CDH12: variants seen among roughly 807,000 people sequenced by gnomAD.
CDH12 encodes the protein cadherin 12.
CDH12 carries 41 observed loss-of-function variants against 74.1 expected under a neutral mutation model. The ratio of observed to expected loss-of-function variants is 0.55; its 90% CI spans 0.43 to 0.72. The LOEUF is 0.72. Ranked by LOEUF, CDH12 falls within the 30% of genes least tolerant of loss-of-function variation. The pLI is 0.00. For missense variants in CDH12, 945 were observed against 977.2 expected (o/e 0.97, Z 0.44); for synonymous variants, 399 against 355.0 (o/e 1.12, Z -1.39).
At chr5:21,769,493 C>A (rs755212855) in intron 11 of CDH12, among the ~76,000 whole-genome samples, 9 of 151,878 alleles carry the variant, frequency 5.9e-5, no homozygotes, top group Non-Finnish European at 1.3e-4. Flanking sequence ...TATTAATTAC[C>A]CTTCTATACT....
intron 3 of CDH12, among the ~76,000 whole-genome samples, chr5:22,352,785 T>C (rs1434793497): frequency 6.6e-6 from 1 of 152,162 alleles, no homozygotes; most frequent in Non-Finnish European, 1.5e-5. Flanking sequence ...ATGGACATTA[T>C]ACTGGAACTG....
At chr5:22,336,767 C>T (rs1739602356) in intron 3 of CDH12, among the ~76,000 whole-genome samples, 1 of 152,224 alleles carries the variant, frequency 6.6e-6, no homozygotes, top group Non-Finnish European at 1.5e-5. Context: ...TGAAGAACCT[C>T]TGCTAGGGCA....
At chr5:22,040,207 T>A (rs1249338341) in intron 5 of CDH12, among the ~76,000 whole-genome samples, 4 of 150,684 alleles carry the variant, frequency 2.7e-5, no homozygotes, top group African/African-American at 4.9e-5. Context: ...GCAGAACAGG[T>A]CAAGCAGAAG....
chr5:22,580,590 T>C (rs1740038859), intron 1 of CDH12: 2 of 474,894 alleles, frequency 4.2e-6, no homozygotes, highest in Admixed American at 4.4e-5. Flanking sequence ...CATAAACTTT[T>C]GGATTTTTTT....
chr5:22,849,545 G>A (rs371301600), intron 1 of CDH12, among the ~76,000 whole-genome samples: 202 of 152,224 alleles, frequency 1.3e-3, no homozygotes, highest in African/African-American at 4.7e-3. Flanking sequence ...TTGGAACCAA[G>A]CATGCATCAT....
intron 1 of CDH12, among the ~76,000 whole-genome samples, chr5:22,814,158 T>A (rs1749279841): frequency 6.6e-6 from 1 of 152,186 alleles, no homozygotes; most frequent in Non-Finnish European, 1.5e-5. Context: ...AGACATTTTC[T>A]TGTCTTACAT....
intron 1 of CDH12, among the ~76,000 whole-genome samples, chr5:22,763,211 AT>A (rs1366477883): frequency 4.0e-5 from 6 of 151,882 alleles, no homozygotes; most frequent in Non-Finnish European, 7.4e-5. Context: ...ACATCTCTAG[AT>A]TTTACCTTTC....
intron 6 of CDH12, among the ~76,000 whole-genome samples, chr5:21,855,250 G>A (rs958096951): frequency 6.6e-6 from 1 of 151,706 alleles, no homozygotes; most frequent in Non-Finnish European, 1.5e-5. Context: ...CTAGCATCAG[G>A]AAGTCTTTAA....
At chr5:22,270,857 G>C (rs1432803796) in intron 3 of CDH12, among the ~76,000 whole-genome samples, 1 of 151,788 alleles carries the variant, frequency 6.6e-6, no homozygotes, top group Non-Finnish European at 1.5e-5. Context: ...TGTGTATTTA[G>C]TACAGATAGG....
intron 5 of CDH12, among the ~76,000 whole-genome samples, chr5:22,034,487 A>G (rs908361043): frequency 3.9e-5 from 6 of 152,194 alleles, no homozygotes; most frequent in African/African-American, 1.4e-4. Context: ...AAAATACCAT[A>G]CTAGGAACTG....
intron 1 of CDH12, among the ~76,000 whole-genome samples, chr5:22,522,291 T>C (rs183183863): frequency 1.2e-4 from 18 of 152,302 alleles, no homozygotes; most frequent in Admixed American, 3.3e-4. Context: ...CATGAACATA[T>C]AAACTGACCA....
At chr5:22,829,071 A>G (rs1009633200) in intron 1 of CDH12, among the ~76,000 whole-genome samples, 1 of 152,178 alleles carries the variant, frequency 6.6e-6, no homozygotes, top group Non-Finnish European at 1.5e-5. Flanking sequence ...AATAAACTGA[A>G]GGAAGTTTGG....
At chr5:22,281,907 G>T (rs71417646) in intron 3 of CDH12, among the ~76,000 whole-genome samples, 1 of 152,018 alleles carries the variant, frequency 6.6e-6, no homozygotes, top group African/African-American at 2.4e-5. Context: ...AAACGAGCCC[G>T]CATAGCAAAG....
At chr5:22,425,992 C>A (rs759033279) in intron 2 of CDH12, among the ~76,000 whole-genome samples, 1 of 151,780 alleles carries the variant, frequency 6.6e-6, no homozygotes, top group Non-Finnish European at 1.5e-5. Context: ...ATCGAGACCA[C>A]CCTGGCCAAC....
At chr5:22,015,782 T>G (rs1737566203) in intron 5 of CDH12, among the ~76,000 whole-genome samples, 1 of 152,212 alleles carries the variant, frequency 6.6e-6, no homozygotes, top group Non-Finnish European at 1.5e-5. Flanking sequence ...CTGAAACAAA[T>G]AATCAGTATA....
At chr5:22,556,759 T>TA (rs1311120183) in intron 1 of CDH12, among the ~76,000 whole-genome samples, 2 of 152,114 alleles carry the variant, frequency 1.3e-5, no homozygotes, top group African/African-American at 2.4e-5. Flanking sequence ...TACATTTTCT[T>TA]AGAGTATTTA....
chr5:21,755,487 A>C (rs1364184465), intron 14 of CDH12, 104 bp downstream of exon 14: 1 of 1,000,032 alleles, frequency 1.0e-6, no homozygotes, highest in Non-Finnish European at 1.5e-6. Context: ...AATGAATAAA[A>C]ACTTGTTTAC....
intron 4 of CDH12, among the ~76,000 whole-genome samples, chr5:22,200,751 T>C (rs1750882147): frequency 6.6e-6 from 1 of 152,218 alleles, no homozygotes; most frequent in Non-Finnish European, 1.5e-5. Flanking sequence ...CATTGGCTTA[T>C]GAATAAATAA....
At chr5:21,924,040 A>G (rs1412034786) in intron 6 of CDH12, among the ~76,000 whole-genome samples, 1 of 152,200 alleles carries the variant, frequency 6.6e-6, no homozygotes, top group African/African-American at 2.4e-5. Context: ...CTAGGTACTA[A>G]TTTAGTTTTT....
Sources: allele counts gnomAD v4.1 joint callset (sites outside exome capture counted in the v4.1 genomes callset), GRCh38; gene constraint gnomAD v4.1.1; transcripts MANE v1.5; gene names NCBI Gene and HGNC (gene_info 2026-07-23, HGNC 2026-07-21).